The following FAM107B variants were observed in gnomAD, a reference collection of about 807,000 sequenced individuals.
FAM107B encodes the protein family with sequence similarity 107 member B.
FAM107B carries 21 observed loss-of-function variants against 31.5 expected under a neutral mutation model. That is an observed-to-expected ratio of 0.67 (90% CI 0.47 to 0.96). The LOEUF (loss-of-function observed/expected upper bound fraction) is 0.96, where lower values mean the gene tolerates loss of function less well. Among genes scored for constraint, FAM107B ranks in the 40% least tolerant of loss-of-function variants. The pLI is 0.00. For synonymous variants in FAM107B, 157 were observed against 141.5 expected, an observed-to-expected ratio of 1.11 and a Z score of -0.78; for missense variants, 452 against 377.1, an observed-to-expected ratio of 1.20 and a Z score of -1.64.
Position 14,584,646 on chromosome 10 carries a change from C to T in FAM107B, c.470-54131G>A, listed in dbSNP as rs182731699. On this transcript the variant is annotated intron_variant, in intron 2 of 4. Coordinates refer to ENST00000181796, the MANE Select transcript of FAM107B (RefSeq NM_031453.4). ...TTATAAACAGCTCCAAGATACGGACCCTGTGAGGCAGGAGAATAGGGGCTG... is the reference window on the plus strand; with the variant it reads ...TTATAAACAGCTCCAAGATACGGACTCTGTGAGGCAGGAGAATAGGGGCTG... Among the ~76,000 whole-genome samples, 9 of 152,248 alleles carry T rather than the reference C, an allele frequency of 5.9e-5. No individual in the cohort carries two copies. In the East Asian group the frequency reaches 1.2e-3, roughly 20 times the overall value.
At chr10:14,767,051 T>TATATATATATATATATATATATAG (rs1833186407) in intron 1 of FAM107B, among the ~76,000 whole-genome samples, 1 of 31,816 alleles carries the variant, frequency 3.1e-5, no homozygotes, top group Non-Finnish European at 5.9e-5. Flanking sequence ...TATATATATA[T>TATATATATATATATATATATATAG]ATATAGAGAG....
intron 2 of FAM107B, among the ~76,000 whole-genome samples, chr10:14,580,335 G>A (rs1195501983): frequency 1.4e-5 from 2 of 145,524 alleles, no homozygotes; most frequent in African/African-American, 5.1e-5. Flanking sequence ...ACTCCAGCCT[G>A]CACGACAGAG....
intron 2 of FAM107B, among the ~76,000 whole-genome samples, chr10:14,575,758 C>T (rs1184211432): frequency 6.6e-6 from 1 of 152,146 alleles, no homozygotes; most frequent in East Asian, 1.9e-4. Context: ...AATACAAATA[C>T]CCCATATGGG....
Position 14,739,458 on chromosome 10 carries a change from G to A in FAM107B, c.411+34795C>T, listed in dbSNP as rs570315083. On this transcript the variant is annotated intron_variant, in intron 1 of 4. Transcript: ENST00000181796. ...GTATTTTTACCTGCCAGGCATCCAT[G>A]ATCCATCCAGCTTTCTTCTGATAAC... 7.4e-4 allele frequency among the ~76,000 whole-genome samples: 113 copies of A among 152,320 alleles called. 1 individual carries two copies. The highest frequency in any genetic ancestry group is 4.8e-3 in the Admixed American group (73 of 15,296).
chr10:14,623,937 C>G (rs535142214), intron 2 of FAM107B, among the ~76,000 whole-genome samples: 1 of 152,344 alleles, frequency 6.6e-6, no homozygotes, highest in East Asian at 1.9e-4. Flanking sequence ...TCATCTTTCT[C>G]AACGTCAACA....
chr10:14,633,394 T>C (rs1295511858), intron 2 of FAM107B, among the ~76,000 whole-genome samples: 1 of 152,182 alleles, frequency 6.6e-6, no homozygotes. Flanking sequence ...CAAGATATAA[T>C]TGATGTTAAA....
intron 2 of FAM107B, among the ~76,000 whole-genome samples, chr10:14,554,569 T>C (rs947200824): frequency 1.3e-5 from 2 of 152,142 alleles, no homozygotes; most frequent in African/African-American, 4.8e-5. Context: ...GGGGATCTGG[T>C]ACAAATGAGA....
At chr10:14,616,725 C>A (rs1284811410) in intron 2 of FAM107B, among the ~76,000 whole-genome samples, 1 of 152,100 alleles carries the variant, frequency 6.6e-6, no homozygotes, top group Non-Finnish European at 1.5e-5. Flanking sequence ...GAGTTGGAGA[C>A]CAGCCTGGGC....
intron 1 of FAM107B, among the ~76,000 whole-genome samples, chr10:14,732,854 T>G (rs1856205579): frequency 6.8e-6 from 1 of 146,904 alleles, no homozygotes; most frequent in Non-Finnish European, 1.5e-5. Context: ...ATAGAATACA[T>G]TAATATTATA....
intron 1 of FAM107B, among the ~76,000 whole-genome samples, chr10:14,708,983 TAAAACAATGAGATA>T (rs1855580958): frequency 6.6e-6 from 1 of 151,432 alleles, no homozygotes; most frequent in Non-Finnish European, 1.5e-5. Context: ...AATTGCAGAT[TAAAACAATGAGATA>T]CCACTGCATA....
chr10:14,522,304 G>T, intron 3 of FAM107B: 1 of 359,610 alleles, frequency 2.8e-6, no homozygotes, highest in Admixed American at 4.4e-5. Context: ...GGCAGTGAGG[G>T]TGGGGATGTG....
chr10:14,695,485 T>G (rs532252593), intron 1 of FAM107B, among the ~76,000 whole-genome samples: 2 of 152,188 alleles, frequency 1.3e-5, no homozygotes, highest in African/African-American at 4.8e-5. Flanking sequence ...CATTTGTGTT[T>G]CCATATGAAT....
At chr10:14,592,631 A>G (rs942416816) in intron 2 of FAM107B, among the ~76,000 whole-genome samples, 1 of 152,218 alleles carries the variant, frequency 6.6e-6, no homozygotes, top group African/African-American at 2.4e-5. Context: ...CATGCATTAC[A>G]TGTACAGCCC....
chr10:14,603,649 C>T (rs961435469), intron 2 of FAM107B, among the ~76,000 whole-genome samples: 8 of 152,228 alleles, frequency 5.3e-5, no homozygotes, highest in African/African-American at 1.9e-4. Context: ...TGAATTAGGA[C>T]TCCTTGTGTG....
chr10:14,638,098 G>A (rs1330477349), intron 2 of FAM107B, among the ~76,000 whole-genome samples: 2 of 152,142 alleles, frequency 1.3e-5, no homozygotes, highest in Non-Finnish European at 2.9e-5. Flanking sequence ...AACTCAGATG[G>A]TCACCAAACC....
At position 14,759,794 on chromosome 10, in the gene FAM107B, C is replaced by G. The variant is rs149586446; in HGVS notation, c.411+14459G>C. On this transcript the variant is annotated intron_variant, in intron 1 of 4. Transcript: ENST00000181796. Reference sequence around the variant, plus strand: ...TAGTGCGATCTCGGTTCACTGCAACCTCCACCTCCCGGACACAAGTGATTC... The same window carrying G: ...TAGTGCGATCTCGGTTCACTGCAACGTCCACCTCCCGGACACAAGTGATTC... Among the ~76,000 whole-genome samples the G allele has an allele frequency of 1.1e-4, 17 of 151,974 alleles. No homozygotes were observed. The East Asian group carries it at 2.9e-3, about 26-fold the overall frequency.
At chr10:14,573,116 C>T (rs991013619) in intron 2 of FAM107B, among the ~76,000 whole-genome samples, 5 of 152,062 alleles carry the variant, frequency 3.3e-5, no homozygotes, top group South Asian at 2.1e-4. Flanking sequence ...CTCCCAGTGC[C>T]GCAGCCCTGC....
intron 2 of FAM107B, among the ~76,000 whole-genome samples, chr10:14,635,407 T>C (rs957370947): frequency 6.6e-6 from 1 of 152,286 alleles, no homozygotes; most frequent in South Asian, 2.1e-4. Flanking sequence ...TTTTAGCTAT[T>C]GTTCACTACT....
chr10:14,598,800 G>A (rs1235624150), intron 2 of FAM107B, among the ~76,000 whole-genome samples: 1 of 152,186 alleles, frequency 6.6e-6, no homozygotes, highest in Admixed American at 6.5e-5. Flanking sequence ...AAATCTCAGG[G>A]ACCACATGTC....
Sources: allele counts gnomAD v4.1 joint callset (sites outside exome capture counted in the v4.1 genomes callset), GRCh38; gene constraint gnomAD v4.1.1; transcripts MANE v1.5; gene names NCBI Gene and HGNC (gene_info 2026-07-23, HGNC 2026-07-21).